LHFPL3: variants seen among roughly 807,000 people sequenced by gnomAD.
The protein encoded by LHFPL3 is LHFPL tetraspan subfamily member 3.
In LHFPL3, 5 loss-of-function variants were observed where a neutral mutation model predicts 19.3. The observed-to-expected ratio is 0.26, with a 90% CI of 0.14 to 0.54. The LOEUF (loss-of-function observed/expected upper bound fraction) is 0.54. LHFPL3 is among the 20% of genes least tolerant of loss of function. The pLI is 0.94. For synonymous variants in LHFPL3, 133 were observed against 126.2 expected, an observed-to-expected ratio of 1.05 and a Z score of -0.36; for missense variants, 249 against 307.4, an observed-to-expected ratio of 0.81 and a Z score of 1.42.
rs868435518 is a variant in LHFPL3, at chr7:104,420,503, A to G, written c.445+91279A>G. 7.1e-4 allele frequency among the ~76,000 whole-genome samples: 108 copies of G among 151,894 alleles called. 1 individual carries two copies. Among genetic ancestry groups the G allele is most frequent in the African/African-American group, 2.3e-3 (95 of 41,442 alleles). ...ACAGAGGAAGGTGAAAATGGAAGACAGTGATTTCACTTAAGCTGTACGTGG... is the reference window on the plus strand; with the variant it reads ...ACAGAGGAAGGTGAAAATGGAAGACGGTGATTTCACTTAAGCTGTACGTGG... On this transcript the variant is annotated intron_variant, in intron 1 of 2. Transcript: ENST00000424859.
At chr7:104,450,571 C>G (rs1792414560) in intron 1 of LHFPL3, among the ~76,000 whole-genome samples, 1 of 151,626 alleles carries the variant, frequency 6.6e-6, no homozygotes, top group South Asian at 2.1e-4. Context: ...CAGGGCCTGA[C>G]AGGGGGTGGG....
chr7:104,353,301 A>G (rs1790215452), intron 1 of LHFPL3, among the ~76,000 whole-genome samples: 1 of 152,232 alleles, frequency 6.6e-6, no homozygotes, highest in Admixed American at 6.5e-5. Flanking sequence ...ACAGGAGTAA[A>G]TTAGGGTACA....
At chr7:104,859,955 GA>G (rs1791583291) in intron 2 of LHFPL3, among the ~76,000 whole-genome samples, 1 of 152,084 alleles carries the variant, frequency 6.6e-6, no homozygotes, top group Non-Finnish European at 1.5e-5. Flanking sequence ...TTGTGTAAGG[GA>G]ACTCTGTACC....
intron 2 of LHFPL3, among the ~76,000 whole-genome samples, chr7:104,875,472 AGCCC>A (rs1791920491): frequency 6.6e-6 from 1 of 152,202 alleles, no homozygotes; most frequent in Non-Finnish European, 1.5e-5. Flanking sequence ...AGGTTATTAG[AGCCC>A]ATCTGGGTGA....
At chr7:104,636,525 T>G (rs1376090762) in intron 1 of LHFPL3, among the ~76,000 whole-genome samples, 1 of 152,074 alleles carries the variant, frequency 6.6e-6, no homozygotes, top group East Asian at 1.9e-4. Flanking sequence ...ATACTCTCCT[T>G]CCTCCCACCC....
chr7:104,667,904 T>G (rs13309733), intron 1 of LHFPL3: 263,775 of 1,612,494 alleles, frequency 0.16, 21,771 homozygotes, highest in East Asian at 0.17. Context: ...GAGATGTTTC[T>G]ACAACTTGGC....
chr7:104,858,510 A>G (rs1411350184), intron 2 of LHFPL3, among the ~76,000 whole-genome samples: 3 of 151,858 alleles, frequency 2.0e-5, no homozygotes, highest in Non-Finnish European at 4.4e-5. Context: ...TACCTCTTTC[A>G]TTTCTTGCAG....
At chr7:104,583,280 C>A (rs1023346325) in intron 1 of LHFPL3, among the ~76,000 whole-genome samples, 2 of 152,136 alleles carry the variant, frequency 1.3e-5, no homozygotes, top group African/African-American at 4.8e-5. Context: ...GAAACTGGAT[C>A]CCTTCCTTAC....
chr7:104,544,011 G>T (rs1794536531), intron 1 of LHFPL3, among the ~76,000 whole-genome samples: 3 of 150,260 alleles, frequency 2.0e-5, no homozygotes, highest in Non-Finnish European at 1.5e-5. Flanking sequence ...TGCATGTTCT[G>T]CACATGTATC....
intron 2 of LHFPL3, among the ~76,000 whole-genome samples, chr7:104,763,818 C>A (rs971204611): frequency 3.3e-5 from 5 of 152,234 alleles, no homozygotes; most frequent in African/African-American, 1.2e-4. Flanking sequence ...TGGCCTAGAG[C>A]CTGCTCTTCT....
intron 1 of LHFPL3, among the ~76,000 whole-genome samples, chr7:104,437,875 G>A (rs10262774): frequency 6.6e-6 from 1 of 151,914 alleles, no homozygotes; most frequent in African/African-American, 2.4e-5. Context: ...ACGTAAACAT[G>A]ATCAATTATT....
chr7:104,337,266 G>C (rs563971863), intron 1 of LHFPL3, among the ~76,000 whole-genome samples: 3 of 152,258 alleles, frequency 2.0e-5, no homozygotes, highest in African/African-American at 7.2e-5. Context: ...CACCAAAAAT[G>C]AATGAAGTAT....
chr7:104,360,031 C>A (rs1039397560), intron 1 of LHFPL3, among the ~76,000 whole-genome samples: 6 of 152,246 alleles, frequency 3.9e-5, no homozygotes, highest in African/African-American at 1.4e-4. Context: ...GCTTCAATTG[C>A]AGGACAGTCT....
chr7:104,538,416 G>C (rs1200417355), intron 1 of LHFPL3, among the ~76,000 whole-genome samples: 1 of 152,156 alleles, frequency 6.6e-6, no homozygotes, highest in Admixed American at 6.6e-5. Context: ...AGGTCTTATG[G>C]GGCCATGAAT....
At chr7:104,366,577 G>A (rs1277689122) in intron 1 of LHFPL3, among the ~76,000 whole-genome samples, 2 of 152,298 alleles carry the variant, frequency 1.3e-5, no homozygotes, top group South Asian at 4.1e-4. Context: ...CAAGCACCCC[G>A]TCAAGGGCTT....
At chr7:104,528,627 A>G (rs1404688883) in intron 1 of LHFPL3, among the ~76,000 whole-genome samples, 1 of 152,154 alleles carries the variant, frequency 6.6e-6, no homozygotes, top group Non-Finnish European at 1.5e-5. Flanking sequence ...TTAAGGCTAA[A>G]TCATGTTCAA....
intron 1 of LHFPL3, among the ~76,000 whole-genome samples, chr7:104,412,019 C>A (rs552993849): frequency 6.6e-6 from 1 of 152,280 alleles, no homozygotes; most frequent in East Asian, 1.9e-4. Flanking sequence ...AGAACATGGG[C>A]ATAAAATTAA....
chr7:104,721,216 G>A (rs1273081397), intron 1 of LHFPL3, among the ~76,000 whole-genome samples: 3 of 152,084 alleles, frequency 2.0e-5, no homozygotes, highest in African/African-American at 7.2e-5. Context: ...CCATAAAAAA[G>A]GATGAGTTCA....
intron 1 of LHFPL3, among the ~76,000 whole-genome samples, chr7:104,715,003 A>C (rs1793361876): frequency 6.6e-6 from 1 of 152,030 alleles, no homozygotes; most frequent in Non-Finnish European, 1.5e-5. Context: ...AGAGAGAGAG[A>C]TTAGCTAAAC....
Sources: gnomAD v4.1 joint callset for allele counts (sites outside exome capture counted in the v4.1 genomes callset) on GRCh38, gnomAD v4.1.1 for gene constraint, MANE v1.5 for transcripts, NCBI Gene and HGNC (gene_info 2026-07-23, HGNC 2026-07-21) for gene names.